GRID2: variants seen among roughly 807,000 people sequenced by gnomAD.
The protein encoded by GRID2 is glutamate receptor ionotropic, delta-2.
In GRID2, 33 loss-of-function variants were observed where a neutral mutation model predicts 114.8. That is an observed-to-expected ratio of 0.29 (90% confidence interval 0.22 to 0.38). The LOEUF is 0.38. Among genes scored for constraint, GRID2 ranks in the 10% least tolerant of loss-of-function variants. The pLI, the probability that GRID2 is intolerant of heterozygous loss-of-function variation, is 1.00. For missense variants in GRID2, 1,184 were observed against 1,257.7 expected (o/e 0.94, Z 0.89); for synonymous variants, 505 against 449.9 (o/e 1.12, Z -1.55).
chr4:92,641,497 T>C (rs953697183), intron 2 of GRID2, among the ~76,000 whole-genome samples: 2 of 151,290 alleles, frequency 1.3e-5, no homozygotes, highest in Admixed American at 1.3e-4. Context: ...ACATAAAAAC[T>C]GTGAAAAAGA....
chr4:92,883,934 T>A (rs1298585704), intron 2 of GRID2, among the ~76,000 whole-genome samples: 1 of 152,234 alleles, frequency 6.6e-6, no homozygotes, highest in African/African-American at 2.4e-5. Context: ...GTTGTCAGTT[T>A]CATTAGTCCC....
chr4:93,803,187 A>G (rs895856624), intron 1 of GRID2, among the ~76,000 whole-genome samples: 1 of 152,212 alleles, frequency 6.6e-6, no homozygotes, highest in Non-Finnish European at 1.5e-5. Flanking sequence ...AGCAAATAAA[A>G]GAATTAAAAT....
chr4:93,486,059 A>G (rs1275281183), intron 11 of GRID2, among the ~76,000 whole-genome samples: 1 of 151,654 alleles, frequency 6.6e-6, no homozygotes, highest in Non-Finnish European at 1.5e-5. Context: ...ATAGTTTTTC[A>G]TGTAGAGGTC....
chr4:92,638,284 A>G (rs1285860728), intron 2 of GRID2, among the ~76,000 whole-genome samples: 5 of 151,644 alleles, frequency 3.3e-5, no homozygotes, highest in African/African-American at 1.2e-4. Context: ...GAGCCAGAGA[A>G]CAAACTCTGT....
At chr4:92,644,340 T>C (rs1383180977) in intron 2 of GRID2, among the ~76,000 whole-genome samples, 6 of 151,796 alleles carry the variant, frequency 4.0e-5, no homozygotes, top group African/African-American at 1.4e-4. Flanking sequence ...ATCAATATGC[T>C]TCTCCAAAGT....
At chr4:93,046,019 A>G (rs1726104933) in intron 2 of GRID2, among the ~76,000 whole-genome samples, 1 of 152,250 alleles carries the variant, frequency 6.6e-6, no homozygotes, top group Non-Finnish European at 1.5e-5. Flanking sequence ...AAGAATGTCA[A>G]CCAAAGATAG....
chr4:93,275,044 G>A (rs1165178359), intron 8 of GRID2, among the ~76,000 whole-genome samples: 1 of 151,836 alleles, frequency 6.6e-6, no homozygotes, highest in Admixed American at 6.6e-5. Flanking sequence ...AGAAGAAACT[G>A]TACATCCAAT....
chr4:92,330,446 A>C (rs1000031981), intron 1 of GRID2, among the ~76,000 whole-genome samples: 3 of 152,242 alleles, frequency 2.0e-5, no homozygotes, highest in South Asian at 2.1e-4. Context: ...CACAAGGCAC[A>C]GATTACAGAT....
At chr4:93,706,120 T>C (rs1727975370) in intron 14 of GRID2, among the ~76,000 whole-genome samples, 1 of 152,204 alleles carries the variant, frequency 6.6e-6, no homozygotes, top group Admixed American at 6.5e-5. Context: ...ATGAGATTTC[T>C]CTAGTTTTGT....
At chr4:92,584,441 T>C (rs1001497604) in intron 1 of GRID2, among the ~76,000 whole-genome samples, 2 of 151,982 alleles carry the variant, frequency 1.3e-5, no homozygotes, top group African/African-American at 2.4e-5. Context: ...GATTTAACAA[T>C]TCTGAATAGC....
At chr4:92,348,672 A>AG (rs1345561511) in intron 1 of GRID2, among the ~76,000 whole-genome samples, 2 of 152,188 alleles carry the variant, frequency 1.3e-5, no homozygotes, top group Non-Finnish European at 2.9e-5. Flanking sequence ...TGCATTGCAA[A>AG]GGATCTTTCC....
At chr4:92,449,700 T>TG (rs1720796721) in intron 1 of GRID2, among the ~76,000 whole-genome samples, 3 of 142,494 alleles carry the variant, frequency 2.1e-5, no homozygotes, top group African/African-American at 7.8e-5. Context: ...TATATATATA[T>TG]ATATATATAT....
rs536747520 is a variant in GRID2 at position 93,371,694 on chromosome 4, A to G, written c.1246-23913A>G. ...TGGATGAAAATACTCCATACATCAC[A>G]TGTGCTTTTCTTTTTCTGTATATTG... On this transcript the variant is annotated intron_variant, in intron 8 of 15. Transcript: ENST00000282020. 3.3e-5 allele frequency among the ~76,000 whole-genome samples: 5 copies of G among 149,904 alleles called. No homozygotes were observed. The East Asian group carries it at 7.9e-4, about 24-fold the overall frequency.
chr4:93,696,557 T>C (rs938654120), intron 14 of GRID2, among the ~76,000 whole-genome samples: 1 of 152,132 alleles, frequency 6.6e-6, no homozygotes, highest in Non-Finnish European at 1.5e-5. Flanking sequence ...AACTAAAATC[T>C]TTTTTTGTAA....
At chr4:93,617,124 C>G (rs1741756041) in intron 13 of GRID2, among the ~76,000 whole-genome samples, 1 of 152,122 alleles carries the variant, frequency 6.6e-6, no homozygotes, top group South Asian at 2.1e-4. Context: ...AGAAAACATT[C>G]AAGTAAGATC....
chr4:92,703,790 T>C (rs1358323576), intron 2 of GRID2, among the ~76,000 whole-genome samples: 3 of 152,108 alleles, frequency 2.0e-5, no homozygotes, highest in Non-Finnish European at 4.4e-5. Flanking sequence ...ACTGGTTACA[T>C]TCTTCTAATT....
chr4:93,734,677 T>G (rs142965630), intron 14 of GRID2, among the ~76,000 whole-genome samples: 1 of 151,968 alleles, frequency 6.6e-6, no homozygotes, highest in Non-Finnish European at 1.5e-5. Context: ...CTGATATTAC[T>G]TATCTTAGTG....
At chr4:93,677,013 C>T (rs1724941322) in intron 14 of GRID2, among the ~76,000 whole-genome samples, 1 of 34,786 alleles carries the variant, frequency 2.9e-5, no homozygotes, top group Non-Finnish European at 4.8e-5. Context: ...TCAGGGAATT[C>T]CCTTTCCTGG....
chr4:92,791,268 C>G (rs868299757), intron 2 of GRID2, among the ~76,000 whole-genome samples: 19 of 151,590 alleles, frequency 1.3e-4, no homozygotes, highest in African/African-American at 4.1e-4. Context: ...AGCCTTATTA[C>G]TTCCCGCCAG....
Sources: gnomAD v4.1 joint callset for allele counts (sites outside exome capture counted in the v4.1 genomes callset) on GRCh38, gnomAD v4.1.1 for gene constraint, MANE v1.5 for transcripts, NCBI Gene and HGNC (gene_info 2026-07-23, HGNC 2026-07-21) for gene names.